The following SLC8A1 variants were observed in gnomAD, a reference collection of about 807,000 sequenced individuals.
SLC8A1 encodes sodium/calcium exchanger 1.
Under a neutral mutation model 68.3 loss-of-function variants are expected in SLC8A1, and 18 were observed. The ratio of observed to expected loss-of-function variants is 0.26; its 90% CI spans 0.18 to 0.39. SLC8A1 has a LOEUF of 0.39. SLC8A1 is among the 10% of genes least tolerant of loss of function. The pLI is 1.00. For missense variants in SLC8A1, 985 were observed against 1,156.7 expected (o/e 0.85, Z 2.15); for synonymous variants, 475 against 415.5 (o/e 1.14, Z -1.74).
intron 2 of SLC8A1, among the ~76,000 whole-genome samples, chr2:40,231,385 G>C (rs1163035974): frequency 6.6e-6 from 1 of 152,132 alleles, no homozygotes; most frequent in Non-Finnish European, 1.5e-5. Context: ...CAGGTCTTTA[G>C]GGTTGCTCAG....
At chr2:40,389,023 T>C (rs1684469619) in intron 2 of SLC8A1, among the ~76,000 whole-genome samples, 1 of 152,136 alleles carries the variant, frequency 6.6e-6, no homozygotes, top group Admixed American at 6.6e-5. Flanking sequence ...TATAAATACA[T>C]ACGTATATAT....
intron 1 of SLC8A1, among the ~76,000 whole-genome samples, chr2:40,451,071 G>T (rs1702386755): frequency 6.6e-6 from 1 of 152,190 alleles, no homozygotes. Context: ...GGCGGATTTG[G>T]TTTCTTTGGC....
chr2:40,211,704 C>T (rs1295025951), intron 2 of SLC8A1, among the ~76,000 whole-genome samples: 1 of 152,156 alleles, frequency 6.6e-6, no homozygotes, highest in African/African-American at 2.4e-5. Flanking sequence ...AAAAGAACTT[C>T]TGGAAATCTG....
chr2:40,194,506 T>TGTGTGTGTGTGTGTGCGC (rs963279052), intron 2 of SLC8A1, among the ~76,000 whole-genome samples: 1 of 131,822 alleles, frequency 7.6e-6, no homozygotes, highest in African/African-American at 2.7e-5. Flanking sequence ...TGTGTGTGTG[T>TGTGTGTGTGTGTGTGCGC]GCGCGCGCAA....
intron 2 of SLC8A1, among the ~76,000 whole-genome samples, chr2:40,283,250 A>G (rs1446799813): frequency 6.6e-6 from 1 of 152,216 alleles, no homozygotes; most frequent in Admixed American, 6.5e-5. Context: ...GTTTCCAATG[A>G]TTTCATGACT....
At chr2:40,168,968 G>T (rs1370324565) in intron 4 of SLC8A1, among the ~76,000 whole-genome samples, 8 of 152,168 alleles carry the variant, frequency 5.3e-5, no homozygotes, top group African/African-American at 1.9e-4. Context: ...ACATAAAACA[G>T]TCCTGGAATA....
chr2:40,500,557 GA>G (rs1230061035), intron 1 of SLC8A1, among the ~76,000 whole-genome samples: 1 of 151,648 alleles, frequency 6.6e-6, no homozygotes, highest in Non-Finnish European at 1.5e-5. Flanking sequence ...AATATTTGGG[GA>G]AAAAATGGAA....
At chr2:40,385,485 T>A (rs907630517) in intron 2 of SLC8A1, among the ~76,000 whole-genome samples, 2 of 144,610 alleles carry the variant, frequency 1.4e-5, no homozygotes, top group African/African-American at 2.7e-5. Context: ...AAGACAGAAG[T>A]ATAAATATAG....
At chr2:40,440,966 A>G (rs1268494762) in intron 1 of SLC8A1, among the ~76,000 whole-genome samples, 1 of 152,098 alleles carries the variant, frequency 6.6e-6, no homozygotes, top group East Asian at 1.9e-4. Flanking sequence ...GGGTGTTCAA[A>G]CAGGAAAAGA....
At chr2:40,271,341 C>T (rs148554408) in intron 2 of SLC8A1, among the ~76,000 whole-genome samples, 3 of 152,214 alleles carry the variant, frequency 2.0e-5, no homozygotes, top group Non-Finnish European at 2.9e-5. Flanking sequence ...GCTTGTGTCT[C>T]GGCTCCTGTT....
intron 2 of SLC8A1, among the ~76,000 whole-genome samples, chr2:40,343,682 A>G (rs1449104688): frequency 6.6e-6 from 1 of 152,188 alleles, no homozygotes; most frequent in Non-Finnish European, 1.5e-5. Flanking sequence ...TAAATTAAAT[A>G]TAGACATATC....
chr2:40,463,686 C>G (rs968148901), intron 1 of SLC8A1, among the ~76,000 whole-genome samples: 1 of 152,022 alleles, frequency 6.6e-6, no homozygotes, highest in Non-Finnish European at 1.5e-5. Context: ...CCACAATGAC[C>G]AGAATTATCC....
At chr2:40,336,049 G>A (rs1016229459) in intron 2 of SLC8A1, among the ~76,000 whole-genome samples, 5 of 152,204 alleles carry the variant, frequency 3.3e-5, no homozygotes, top group African/African-American at 7.2e-5. Context: ...GGGTGGCATA[G>A]TTCCTTATGA....
At position 40,284,460 on chromosome 2, in the gene SLC8A1, G is replaced by GATATATATCTATAGATATGTATGTATAC. The variant is rs1177142759; in HGVS notation, c.1809-106633_1809-106606dup. On this transcript the variant is annotated intron_variant, in intron 2 of 7. Transcript: ENST00000406785. ...ATCTATATATAAATGTATATCTATA[G>GATATATATCTATAGATATGTATGTATAC]ATATATATCTATAGATATGTATGTA... 2.7e-3 allele frequency among the ~76,000 whole-genome samples: 372 copies of GATATATATCTATAGATATGTATGTATAC among 140,342 alleles called. 2 individuals carry two copies. The highest frequency in any genetic ancestry group is 9.0e-3 in the African/African-American group (321 of 35,818). 92.1% of individuals were successfully genotyped at this position (140,342 alleles called of 152,430 possible).
In SLC8A1 at chr2:40,353,881, C is replaced by T. The variant is rs1182841182; in HGVS notation, c.1808+74592G>A. Among the ~76,000 whole-genome samples the T allele has an allele frequency of 4.6e-5, 7 of 152,192 alleles. No homozygotes were observed. The South Asian group carries it at 1.0e-3, about 22-fold the overall frequency. ...GAGGCACCAGATTAGAATCTACTTCCTCACTGCCCGGTCTGTCTTCCTTGG... is the reference window on the plus strand; with the variant it reads ...GAGGCACCAGATTAGAATCTACTTCTTCACTGCCCGGTCTGTCTTCCTTGG... On this transcript the variant is annotated intron_variant, in intron 2 of 7. Coordinates refer to ENST00000406785, the Ensembl canonical transcript of SLC8A1.
At chr2:40,507,526 C>T (rs1467103872) in intron 1 of SLC8A1, among the ~76,000 whole-genome samples, 1 of 151,976 alleles carries the variant, frequency 6.6e-6, no homozygotes, top group Non-Finnish European at 1.5e-5. Flanking sequence ...TTACTCCTTG[C>T]CATAACACTA....
At chr2:40,484,396 G>A (rs1490161831) in intron 1 of SLC8A1, among the ~76,000 whole-genome samples, 1 of 152,190 alleles carries the variant, frequency 6.6e-6, no homozygotes, top group Non-Finnish European at 1.5e-5. Flanking sequence ...GCCTGTCCTT[G>A]TTTCTACCCA....
At chr2:40,217,818 G>A (rs1377133217) in intron 2 of SLC8A1, among the ~76,000 whole-genome samples, 1 of 152,146 alleles carries the variant, frequency 6.6e-6, no homozygotes, top group Admixed American at 6.5e-5. Context: ...TAATTGATAA[G>A]TCAATCTAAA....
At chr2:40,155,205 C>T (rs1340900609) in intron 6 of SLC8A1, among the ~76,000 whole-genome samples, 1 of 152,050 alleles carries the variant, frequency 6.6e-6, no homozygotes, top group African/African-American at 2.4e-5. Flanking sequence ...TCTCTGCTCA[C>T]TGCAAGCTCT....
Sources: gnomAD v4.1 joint callset for allele counts (sites outside exome capture counted in the v4.1 genomes callset) on GRCh38, gnomAD v4.1.1 for gene constraint, MANE v1.5 for transcripts, NCBI Gene and HGNC (gene_info 2026-07-23, HGNC 2026-07-21) for gene names.